The following TRDN variants were observed in gnomAD, a reference collection of about 807,000 sequenced individuals.
TRDN encodes triadin in skeletal muscle.
TRDN carries 161 observed loss-of-function variants against 149.7 expected under a neutral mutation model. That is an observed-to-expected ratio of 1.08 (90% CI 0.95 to 1.23). TRDN has a LOEUF of 1.23. Among genes scored for constraint, TRDN ranks in the 50% most tolerant of loss-of-function variants. The probability of loss-of-function intolerance (pLI) is 0.00; values close to 1 mark genes in which losing one functional copy is unlikely to be tolerated. For missense variants in TRDN, 896 were observed against 823.5 expected (o/e 1.09, Z -1.08); for synonymous variants, 294 against 250.5 (o/e 1.17, Z -1.64).
At chr6:123,430,543 C>T (rs1359181010) in intron 12 of TRDN, among the ~76,000 whole-genome samples, 1 of 151,894 alleles carries the variant, frequency 6.6e-6, no homozygotes, top group African/African-American at 2.4e-5. Context: ...GATCGCGCCA[C>T]TGCACTCCAG....
At chr6:123,418,457 T>C (rs1773748370) in intron 12 of TRDN, 1 of 152,126 alleles carries the variant, frequency 6.6e-6, no homozygotes. Flanking sequence ...TTCCATTCTT[T>C]CTTTTTTCCT....
At chr6:123,375,988 T>C (rs779234726) in intron 18 of TRDN, among the ~76,000 whole-genome samples, 1 of 152,158 alleles carries the variant, frequency 6.6e-6, no homozygotes, top group Non-Finnish European at 1.5e-5. Flanking sequence ...GTGAAAAGAA[T>C]GAGTTCACTT....
intron 14 of TRDN, among the ~76,000 whole-genome samples, chr6:123,383,685 C>T (rs1466101108): frequency 2.0e-5 from 3 of 151,752 alleles, no homozygotes; most frequent in African/African-American, 7.3e-5. Context: ...AAAATAAAAA[C>T]ATAATATAAA....
intron 38 of TRDN, among the ~76,000 whole-genome samples, chr6:123,249,879 A>C (rs1337178160): frequency 1.3e-5 from 2 of 152,136 alleles, no homozygotes; most frequent in Non-Finnish European, 2.9e-5. Context: ...AAGAAATAAA[A>C]GGCATCCACA....
intron 1 of TRDN, among the ~76,000 whole-genome samples, chr6:123,583,366 C>CGTCT (rs1439904488): frequency 2.4e-4 from 36 of 151,970 alleles, no homozygotes; most frequent in Admixed American, 2.2e-3. Context: ...TAAAAAGGAA[C>CGTCT]GTCTATACAG....
chr6:123,317,158 A>G (rs1779055922), intron 23 of TRDN, among the ~76,000 whole-genome samples: 1 of 151,862 alleles, frequency 6.6e-6, no homozygotes, highest in Non-Finnish European at 1.5e-5. Flanking sequence ...TACTCATAGC[A>G]CAACCCTAAT....
intron 1 of TRDN, among the ~76,000 whole-genome samples, chr6:123,587,700 A>G (rs1421812493): frequency 1.3e-5 from 2 of 151,498 alleles, no homozygotes; most frequent in Non-Finnish European, 2.9e-5. Flanking sequence ...GAGTCCAAAA[A>G]GAGAGTCAGT....
At chr6:123,274,554 C>T (rs1777307777) in intron 27 of TRDN, 87 bp downstream of exon 27, 8 of 1,209,384 alleles carry the variant, frequency 6.6e-6, no homozygotes, top group Non-Finnish European at 9.4e-6. Flanking sequence ...GTGCATGTCT[C>T]CCTAGTGAGA....
chr6:123,632,540 G>C (rs1203326111), intron 1 of TRDN, among the ~76,000 whole-genome samples: 1 of 151,958 alleles, frequency 6.6e-6, no homozygotes, highest in South Asian at 2.1e-4. Flanking sequence ...CACCATCGTG[G>C]TACTCCTCTT....
intron 23 of TRDN, among the ~76,000 whole-genome samples, chr6:123,318,349 T>C (rs1174006135): frequency 1.3e-5 from 2 of 152,058 alleles, no homozygotes; most frequent in Non-Finnish European, 2.9e-5. Flanking sequence ...ATTATTCCAT[T>C]ATTTTATGAA....
chr6:123,463,777 GTT>G (rs11346009), intron 10 of TRDN, among the ~76,000 whole-genome samples: 6 of 141,480 alleles, frequency 4.2e-5, no homozygotes, highest in African/African-American at 7.7e-5. Context: ...TTTTCTTTCT[GTT>G]TTTTTTTTTT....
intron 9 of TRDN, among the ~76,000 whole-genome samples, chr6:123,475,202 G>A (rs1225066542): frequency 4.9e-5 from 7 of 143,116 alleles, no homozygotes; most frequent in East Asian, 4.2e-4. Flanking sequence ...TCAAATAGAC[G>A]CAATAAAAAA....
At chr6:123,600,044 T>G (rs1408176963) in intron 1 of TRDN, among the ~76,000 whole-genome samples, 1 of 152,022 alleles carries the variant, frequency 6.6e-6, no homozygotes, top group Non-Finnish European at 1.5e-5. Context: ...TTTGTATACC[T>G]CTGGTGCCCA....
rs1781744340 is a variant in TRDN at position 123,382,062 on chromosome 6, A to G, written c.1165+56T>C. 5 of 1,315,832 alleles carry G rather than the reference A, an allele frequency of 3.8e-6. No homozygotes were observed. In the South Asian group the frequency reaches 8.2e-5, roughly 22 times the overall value. The allele number at this position is 1,315,832 out of a possible 1,614,324, so 81.5% of individuals were successfully genotyped here. ...TTCTACATCAATCCTTTAAGAAGGT[A>G]TGCTGTTTCATGGTTCATCAAACAT... On this transcript the variant is annotated intron_variant, in intron 15 of 40. Coordinates refer to ENST00000334268, the MANE Select transcript of TRDN (RefSeq NM_006073.4).
chr6:123,305,545 G>A (rs1004012992), intron 24 of TRDN, among the ~76,000 whole-genome samples: 15 of 152,174 alleles, frequency 9.9e-5, no homozygotes, highest in South Asian at 6.2e-4. Context: ...TCTCATGTCT[G>A]GTATATGAAA....
At chr6:123,230,623 T>G (rs62418717) in intron 38 of TRDN, among the ~76,000 whole-genome samples, 58,330 of 151,674 alleles carry the variant, frequency 0.38, 12,524 homozygotes, top group Admixed American at 0.54. Flanking sequence ...ACCCTTATCA[T>G]ATATTTGCAA....
intron 40 of TRDN, 117 bp downstream of exon 40, chr6:123,221,370 C>G (rs1775141726): frequency 1.9e-6 from 1 of 526,146 alleles, no homozygotes; most frequent in Non-Finnish European, 3.3e-6. Flanking sequence ...TTCTTCATGT[C>G]TATGCTAAAA....
intron 23 of TRDN, among the ~76,000 whole-genome samples, chr6:123,330,061 G>C (rs944651309): frequency 6.6e-6 from 1 of 152,024 alleles, no homozygotes; most frequent in Non-Finnish European, 1.5e-5. Context: ...ATTATGGAAA[G>C]AAGATACTTG....
At chr6:123,452,492 T>C (rs1189676136) in intron 10 of TRDN, among the ~76,000 whole-genome samples, 1 of 55,920 alleles carries the variant, frequency 1.8e-5, no homozygotes, top group Non-Finnish European at 3.2e-5. Context: ...TCAATTCCTT[T>C]TACAATAGTT....
Sources: allele counts gnomAD v4.1 joint callset (sites outside exome capture counted in the v4.1 genomes callset), GRCh38; gene constraint gnomAD v4.1.1; transcripts MANE v1.5; gene names NCBI Gene and HGNC (gene_info 2026-07-23, HGNC 2026-07-21).